The following EFEMP1 variants were observed in gnomAD, a reference collection of about 807,000 sequenced individuals.
EFEMP1 encodes the protein EGF-containing fibulin-like extracellular matrix protein 1.
Under a neutral mutation model 65.7 loss-of-function variants are expected in EFEMP1, and 18 were observed. The ratio of observed to expected loss-of-function variants is 0.27; its 90% CI spans 0.19 to 0.41. EFEMP1 has a LOEUF of 0.41. Ranked by LOEUF, EFEMP1 falls within the 10% of genes least tolerant of loss-of-function variation. EFEMP1 has a pLI of 1.00. For synonymous variants in EFEMP1, 237 were observed against 219.7 expected (o/e 1.08, Z -0.70); for missense variants, 469 against 624.8 (o/e 0.75, Z 2.66).
Position 55,881,807 on chromosome 2 carries a change from C to G in EFEMP1, c.518-73G>C, listed in dbSNP as rs1669254014. The G allele has an allele frequency of 2.5e-6, 4 of 1,581,028 alleles. No homozygotes were observed. In the Admixed American group the frequency reaches 5.0e-5, roughly 20 times the overall value. On this transcript the variant is annotated intron_variant, in intron 5 of 11. Transcript: ENST00000355426. The stretch of plus-strand genomic sequence containing the variant: ...TGATATTTCCTCCATTTTGCCACTT[C>G]TTAAGCTAAATTTTTACTTTATTCT...
chr2:55,920,651 A>G (rs1558492118), intron 3 of EFEMP1, among the ~76,000 whole-genome samples: 1 of 152,238 alleles, frequency 6.6e-6, no homozygotes. Flanking sequence ...ACTTCTAGAC[A>G]TTTAATGTCA....
chr2:55,918,185 A>G, intron 4 of EFEMP1, 34 bp downstream of exon 4: 1 of 1,614,052 alleles, frequency 6.2e-7, no homozygotes, highest in African/African-American at 1.3e-5. Flanking sequence ...GACAGAAGGC[A>G]ATGATCACAT....
chr2:55,877,658 C>T lies in EFEMP1; in HGVS notation c.760+88G>A, dbSNP rs1399833998. ...GGGAAGTCGATGGAAACTATTTACTCAAGAACATAGAAAACTGGAAATACT... is the reference window on the plus strand; with the variant it reads ...GGGAAGTCGATGGAAACTATTTACTTAAGAACATAGAAAACTGGAAATACT... On this transcript the variant is annotated intron_variant, in intron 7 of 11. Transcript: ENST00000355426. This position sits in a 1 kb window ranked among gnomAD's most constrained non-coding sequence, Gnocchi z 4.5. The T allele has an allele frequency of 1.3e-6, 2 of 1,587,748 alleles. No homozygotes were observed. Among genetic ancestry groups the T allele is most frequent in the Non-Finnish European group, 8.6e-7 (1 of 1,159,536 alleles).
chr2:55,890,970 A>C (rs902395578), intron 5 of EFEMP1, among the ~76,000 whole-genome samples: 5 of 152,046 alleles, frequency 3.3e-5, no homozygotes, highest in African/African-American at 1.2e-4. Context: ...CTTTTATTTT[A>C]GGTTTGGGGG....
In EFEMP1 at chr2:55,876,651, C is replaced by G. The variant is rs768998905; in HGVS notation, c.852G>C (p.Glu284Asp). Residue 284 changes from glutamate to aspartate, a missense_variant, in exon 8 of 12, where the codon GAG (glutamate) becomes GAC (aspartate). Around this residue, in one of 3 missense-constraint regions of EFEMP1, gnomAD observed 399 missense variants for 528.2 expected, o/e 0.76. Coordinates refer to ENST00000355426, the MANE Select transcript of EFEMP1 (RefSeq NM_001039348.3). ...SFICQCNQGY[E>D]LSSDRLNCED... ...CACAGTTGAGCCTGTCACTGCTTAG[C>G]TCATATCCTTGATTGCACTGACAGA... The G allele has an allele frequency of 6.2e-7, 1 of 1,612,256 alleles. No homozygotes were observed. The highest frequency in any genetic ancestry group is 1.3e-5 in the African/African-American group (1 of 74,770).
In EFEMP1 at chr2:55,913,978, C is replaced by T. The variant is rs554981928; in HGVS notation, c.517+3687G>A. 7.9e-5 allele frequency among the ~76,000 whole-genome samples: 12 copies of T among 152,152 alleles called. No homozygotes were observed. In the South Asian group the frequency reaches 2.5e-3, roughly 32 times the overall value. On this transcript the variant is annotated intron_variant, in intron 5 of 11. Transcript: ENST00000355426. ...TGAGCCAAGATAGCACCTCTGCACT[C>T]CAGCCTGGGTGACAGCGTGAGACTC...
intron 5 of EFEMP1, among the ~76,000 whole-genome samples, chr2:55,900,904 T>C (rs1670007728): frequency 6.6e-6 from 1 of 152,226 alleles, no homozygotes; most frequent in African/African-American, 2.4e-5. Context: ...CTGCCTCTTA[T>C]TGAGATACCT....
Position 55,870,813 on chromosome 2 carries a change from G to A in EFEMP1, c.1227C>T (p.Asp409=), listed in dbSNP as rs1462968806. Residue 409 remains aspartate (D), a synonymous_variant, in exon 11 of 12, where the codon GAC becomes GAT. Transcript: ENST00000355426. This position sits in a 1 kb window ranked among gnomAD's most constrained non-coding sequence, Gnocchi z 5.8. ...TAGTTGTGGCCTGTATCTGGAAGAT[G>A]TCTGATGGCACAGACCTATCAGATC... is the stretch of plus-strand genomic sequence containing the variant. The part of the protein sequence containing the change: ...SIRSDRSVPS[D]IFQIQATTIY... 1 of 1,613,762 alleles carries A rather than the reference G, an allele frequency of 6.2e-7. No individual in the cohort carries two copies. Among genetic ancestry groups the A allele is most frequent in the East Asian group, 2.2e-5 (1 of 44,890 alleles).
chr2:55,874,991 T>A lies in EFEMP1; in HGVS notation c.955A>T (p.Met319Leu). 6.2e-7 allele frequency: 1 copy of A among 1,609,612 alleles called. No individual in the cohort carries two copies. Among genetic ancestry groups the A allele is most frequent in the Non-Finnish European group, 8.5e-7 (1 of 1,177,458 alleles). Residue 319 changes from methionine to leucine, a missense_variant, in exon 9 of 12, where the codon ATG (methionine) becomes TTG (leucine). Coordinates refer to ENST00000355426, the MANE Select transcript of EFEMP1 (RefSeq NM_001039348.3). ...ACCACTTGGTATCCCTGGGGGCACA[T>A]ACATGAGAATTTCCCAGGTTCATTG... Reference protein sequence around the residue: ...CVNEPGKFSCMCPQGYQVVRS... With the variant: ...CVNEPGKFSCLCPQGYQVVRS...
At chr2:55,918,105 A>G (rs536588198) in intron 4 of EFEMP1, 54 bp from the exon 5 acceptor site, 1 of 1,613,196 alleles carries the variant, frequency 6.2e-7, no homozygotes, top group South Asian at 1.1e-5. Context: ...AAAATCAAAC[A>G]TGTAAATATA....
rs999879979 is a variant in EFEMP1, at chr2:55,917,839, C to T, written c.343G>A (p.Gly115Arg). ...SSMATSGVLP[G>R]GGFVASAAAV... ...GCAGCACTGGCCACAAAACCACCCC[C>T]GGGCAACACTCCACTGGTTGCCATG... Residue 115 changes from glycine (G) to arginine (R), a missense_variant, in exon 5 of 12, where the codon GGG (glycine) becomes AGG (arginine). This residue lies in a region of EFEMP1 where 399 missense variants were observed against 528.2 expected (regional missense o/e 0.76). Coordinates refer to ENST00000355426, the MANE Select transcript of EFEMP1 (RefSeq NM_001039348.3). The surrounding 1 kb of genome is among the most constrained non-coding windows in gnomAD (Gnocchi z 6.3). 7.4e-6 allele frequency: 12 copies of T among 1,614,128 alleles called. No individual in the cohort carries two copies. The highest frequency in any genetic ancestry group is 1.6e-4 in the Middle Eastern group (1 of 6,084).
At chr2:55,899,043 A>G (rs1284638443) in intron 5 of EFEMP1, among the ~76,000 whole-genome samples, 6 of 152,168 alleles carry the variant, frequency 3.9e-5, no homozygotes, top group Non-Finnish European at 7.4e-5. Flanking sequence ...CCACCCACCA[A>G]AGCCTGTCCT....
rs764699820 is a variant in EFEMP1 at position 55,898,085 on chromosome 2, CACT to C, written c.518-16354_518-16352del. Among the ~76,000 whole-genome samples, 163 of 152,186 alleles carry C rather than the reference CACT, an allele frequency of 1.1e-3. 1 individual carries two copies. Among genetic ancestry groups the C allele is most frequent in the Non-Finnish European group, 3.2e-4 (22 of 68,014 alleles). ...CTTGCTCCATATTCCTTCAGTCATA[CACT>C]ACGATTAACGAACATTTTACAGTTT... is the stretch of plus-strand genomic sequence containing the variant. On this transcript the variant is annotated intron_variant, in intron 5 of 11. Coordinates refer to ENST00000355426, the MANE Select transcript of EFEMP1 (RefSeq NM_001039348.3).
At chr2:55,875,130 A>ATG in intron 8 of EFEMP1, 65 bp from the exon 9 acceptor site, 1 of 653,566 alleles carries the variant, frequency 1.5e-6, no homozygotes, top group South Asian at 4.1e-5. Context: ...CTTTGGATAT[A>ATG]TATATATATA....
Position 55,923,666 on chromosome 2 carries a change from G to C in EFEMP1, c.-49+45C>G. 1 of 985,872 alleles carries C rather than the reference G, an allele frequency of 1.0e-6. No homozygotes were observed. Among genetic ancestry groups the C allele is most frequent in the South Asian group, 4.7e-5 (1 of 21,302 alleles). 61.1% of individuals were successfully genotyped at this position (985,872 alleles called of 1,614,324 possible). ...CTCACTCTCCCGCGCGCGGCCCAGTGAGTACTGGGCTCGCTCGGGGCGACC... is the reference window on the plus strand; with the variant it reads ...CTCACTCTCCCGCGCGCGGCCCAGTCAGTACTGGGCTCGCTCGGGGCGACC... On this transcript the variant is annotated intron_variant, in intron 1 of 11. Coordinates refer to ENST00000355426, the MANE Select transcript of EFEMP1 (RefSeq NM_001039348.3). This position sits in a 1 kb window ranked among gnomAD's most constrained non-coding sequence, Gnocchi z 5.3.
intron 9 of EFEMP1, among the ~76,000 whole-genome samples, chr2:55,874,526 A>G (rs1668948044): frequency 6.6e-6 from 1 of 152,106 alleles, no homozygotes; most frequent in African/African-American, 2.4e-5. Context: ...CAGCACCTAC[A>G]TTCTTACGCA....
Position 55,923,748 on chromosome 2 carries a change from G to C in EFEMP1, c.-86C>G. 4.1e-6 allele frequency: 4 copies of C among 986,080 alleles called. No individual in the cohort carries two copies. The highest frequency in any genetic ancestry group is 4.8e-6 in the Non-Finnish European group (4 of 830,478). The allele number at this position is 986,080 out of a possible 1,614,324, so 61.1% of individuals were successfully genotyped here. A position where few individuals can be genotyped will look rare whatever the true frequency, so the allele number is the denominator to read the frequency against. On this transcript the variant is annotated 5_prime_UTR_variant, in exon 1 of 12. Coordinates refer to ENST00000355426, the MANE Select transcript of EFEMP1 (RefSeq NM_001039348.3). The surrounding 1 kb of genome is among the most constrained non-coding windows in gnomAD (Gnocchi z 5.3). ...GCTGCGCTCCGGGCCCGGGCAGCGA[G>C]GGGAGTGCGCAGGGGAGGGCAGCCC...
chr2:55,878,999 G>A (rs1366933630), intron 6 of EFEMP1, among the ~76,000 whole-genome samples: 1 of 152,174 alleles, frequency 6.6e-6, no homozygotes, highest in Non-Finnish European at 1.5e-5. Context: ...TGGTTCAGGT[G>A]TCCATTCAAA....
chr2:55,868,629 CCTT>C lies in EFEMP1; in HGVS notation c.1321-1398_1321-1396del, dbSNP rs1403829241. Reference sequence around the variant, plus strand: ...AGGCTGACTCATGACTATCAAGAAACCTTCTTTGACAGCCCACATTGATTTTTT... The same window carrying C: ...AGGCTGACTCATGACTATCAAGAAACCTTTGACAGCCCACATTGATTTTTT... On this transcript the variant is annotated intron_variant, in intron 11 of 11. Coordinates refer to ENST00000355426, the MANE Select transcript of EFEMP1 (RefSeq NM_001039348.3). 2.6e-5 allele frequency among the ~76,000 whole-genome samples: 4 copies of C among 152,106 alleles called. No individual in the cohort carries two copies. In the East Asian group the frequency reaches 5.8e-4, roughly 22 times the overall value.
Sources: allele counts gnomAD v4.1 joint callset (sites outside exome capture counted in the v4.1 genomes callset), GRCh38; gene constraint gnomAD v4.1.1; regional missense constraint gnomAD v4.1.1; non-coding constraint Gnocchi (gnomAD v3.1); transcripts MANE v1.5; gene names NCBI Gene and HGNC (gene_info 2026-07-23, HGNC 2026-07-21).